The following CNGA3 variants were observed in gnomAD, a reference collection of about 807,000 sequenced individuals.
CNGA3 encodes cyclic nucleotide gated channel subunit alpha 3, also known as cyclic nucleotide-gated channel alpha-3.
CNGA3 carries 42 observed loss-of-function variants against 46.6 expected under a neutral mutation model. The ratio of observed to expected loss-of-function variants is 0.90; its 90% CI spans 0.70 to 1.17. The LOEUF (loss-of-function observed/expected upper bound fraction) is 1.17, where lower values mean the gene tolerates loss of function less well. Ranked by LOEUF, CNGA3 falls within the 50% of genes most tolerant of loss-of-function variation. The pLI, the probability that CNGA3 is intolerant of heterozygous loss-of-function variation, is 0.00. For synonymous variants in CNGA3, 394 were observed against 369.4 expected, an observed-to-expected ratio of 1.07 and a Z score of -0.76; for missense variants, 893 against 890.7, an observed-to-expected ratio of 1.00 and a Z score of -0.03.
chr2:98,389,803 G>A, intron 6 of CNGA3, 29 bp downstream of exon 6: 1 of 1,583,430 alleles, frequency 6.3e-7, no homozygotes, highest in South Asian at 1.1e-5. Context: ...AGGTGCAGCG[G>A]AAAGGGGGAA....
At chr2:98,389,167 A>G (rs1692726393) in intron 5 of CNGA3, among the ~76,000 whole-genome samples, 1 of 152,100 alleles carries the variant, frequency 6.6e-6, no homozygotes, top group Non-Finnish European at 1.5e-5. Flanking sequence ...AGGGTTCTGG[A>G]GGGAATACTG....
chr2:98,388,056 G>T (rs1692693115), intron 5 of CNGA3, among the ~76,000 whole-genome samples: 1 of 152,130 alleles, frequency 6.6e-6, no homozygotes, highest in Admixed American at 6.5e-5. Context: ...TCAATGGGGT[G>T]GTTTACCTCA....
intron 1 of CNGA3, among the ~76,000 whole-genome samples, chr2:98,357,028 C>G (rs1220891103): frequency 6.6e-6 from 1 of 152,206 alleles, no homozygotes; most frequent in Non-Finnish European, 1.5e-5. Flanking sequence ...CTGTTATTAT[C>G]AGTGTCGTCA....
intron 1 of CNGA3, among the ~76,000 whole-genome samples, chr2:98,368,786 G>A (rs568965838): frequency 2.5e-4 from 38 of 152,320 alleles, no homozygotes; most frequent in African/African-American, 4.6e-4. Context: ...CCAGTGAATC[G>A]GAAGTGCTGA....
intron 7 of CNGA3, among the ~76,000 whole-genome samples, chr2:98,395,323 C>T (rs1692885383): frequency 6.6e-6 from 1 of 152,034 alleles, no homozygotes; most frequent in South Asian, 2.1e-4. Context: ...GGGTGCACCA[C>T]CACATCTGGC....
chr2:98,363,281 A>G (rs1035984023), intron 1 of CNGA3, among the ~76,000 whole-genome samples: 1 of 152,208 alleles, frequency 6.6e-6, no homozygotes, highest in Non-Finnish European at 1.5e-5. Flanking sequence ...TTTTCCATCC[A>G]TGAGCATGGA....
intron 1 of CNGA3, among the ~76,000 whole-genome samples, chr2:98,368,247 A>G (rs1049406337): frequency 7.2e-5 from 11 of 152,228 alleles, no homozygotes; most frequent in African/African-American, 2.4e-4. Context: ...GGCCACACCA[A>G]TGGCTCCTGT....
chr2:98,383,401 G>C lies in CNGA3; in HGVS notation c.409G>C (p.Ala137Pro). ...ADRGRSAWPLAKCNTNTSNNT... is the reference protein window; with the variant it reads ...ADRGRSAWPLPKCNTNTSNNT... ...ACCTTCCCGCAGCGCCTGGCCCCTG[G>C]CCAAATGCAACACTAACACCAGCAA... is the stretch of plus-strand genomic sequence containing the variant. The change falls in exon 5 of 8, where the codon GCC becomes CCC. Residue 137 changes from alanine to proline, a missense_variant. Ala to Pro is a conservative substitution (Grantham distance 27). Transcript: ENST00000272602. The C allele has an allele frequency of 6.2e-7, 1 of 1,614,126 alleles. No homozygotes were observed. Among genetic ancestry groups the C allele is most frequent in the Non-Finnish European group, 8.5e-7 (1 of 1,180,028 alleles).
intron 7 of CNGA3, among the ~76,000 whole-genome samples, chr2:98,395,468 C>T (rs903192865): frequency 6.6e-6 from 1 of 152,184 alleles, no homozygotes; most frequent in African/African-American, 2.4e-5. Context: ...CGGCACCCGG[C>T]CCTCTGTCAC....
At position 98,397,284 on chromosome 2, in the gene CNGA3, G is replaced by A. The variant is rs754199013; in HGVS notation, c.*29G>A. The A allele has an allele frequency of 5.0e-6, 8 of 1,609,162 alleles. No homozygotes were observed. Among genetic ancestry groups the A allele is most frequent in the African/African-American group, 1.3e-5 (1 of 74,886 alleles). On this transcript the variant is annotated 3_prime_UTR_variant, in exon 8 of 8. Coordinates refer to ENST00000272602, the MANE Select transcript of CNGA3 (RefSeq NM_001298.3). ...TGCAGCATCTGTCTCCTGCTTCACAGGGTCGACTGTCAGGGTGACCGTATG... is the reference window on the plus strand; with the variant it reads ...TGCAGCATCTGTCTCCTGCTTCACAAGGTCGACTGTCAGGGTGACCGTATG...
chr2:98,352,162 G>T (rs1016577410), intron 1 of CNGA3, among the ~76,000 whole-genome samples: 1 of 152,026 alleles, frequency 6.6e-6, no homozygotes, highest in Non-Finnish European at 1.5e-5. Context: ...TATTTTCAGG[G>T]TTCACCCATG....
chr2:98,371,317 G>A (rs1692281610), intron 2 of CNGA3, among the ~76,000 whole-genome samples: 2 of 152,164 alleles, frequency 1.3e-5, no homozygotes, highest in African/African-American at 2.4e-5. Flanking sequence ...CTGGGCCCTC[G>A]TGCCTCATTT....
rs562588886 is a variant in CNGA3, at chr2:98,363,064, A to G, written c.-37-6875A>G. On this transcript the variant is annotated intron_variant, in intron 1 of 7. Transcript: ENST00000272602. ...GTTTTGGTTACTATAGTCTTATAGCATAGTTTGAAGTTGGGTACCATGATG... is the reference window on the plus strand; with the variant it reads ...GTTTTGGTTACTATAGTCTTATAGCGTAGTTTGAAGTTGGGTACCATGATG... Among the ~76,000 whole-genome samples, 5 of 152,250 alleles carry G rather than the reference A, an allele frequency of 3.3e-5. No homozygotes were observed. The East Asian group carries it at 9.6e-4, about 29-fold the overall frequency.
chr2:98,353,365 C>T (rs1691810394), intron 1 of CNGA3, among the ~76,000 whole-genome samples: 1 of 152,072 alleles, frequency 6.6e-6, no homozygotes, highest in South Asian at 2.1e-4. Flanking sequence ...TTATTTCCTC[C>T]ACCTAGGTTC....
In CNGA3 at chr2:98,397,674, A is replaced by G. The variant is rs1304089539; in HGVS notation, c.*419A>G. 1 of 273,868 alleles carries G rather than the reference A, an allele frequency of 3.7e-6. No individual in the cohort carries two copies. Among genetic ancestry groups the G allele is most frequent in the Non-Finnish European group, 7.0e-6 (1 of 142,290 alleles). The allele number at this position is 273,868 out of a possible 1,614,324, so 17.0% of individuals were successfully genotyped here. Reference sequence around the variant, plus strand: ...ACTTCACCACCACCTGATAATGGGTATATAACAGGAAGCTGAAGGTACAAC... The same window carrying G: ...ACTTCACCACCACCTGATAATGGGTGTATAACAGGAAGCTGAAGGTACAAC... On this transcript the variant is annotated 3_prime_UTR_variant, in exon 8 of 8. Transcript: ENST00000272602.
chr2:98,363,252 A>G (rs1252121626), intron 1 of CNGA3, among the ~76,000 whole-genome samples: 1 of 152,134 alleles, frequency 6.6e-6, no homozygotes, highest in Non-Finnish European at 1.5e-5. Flanking sequence ...AAGTATGGCC[A>G]TTTTCATGAT....
Position 98,397,635 on chromosome 2 carries a change from C to T in CNGA3, c.*380C>T. The T allele has an allele frequency of 3.1e-6, 1 of 317,674 alleles. No individual in the cohort carries two copies. Among genetic ancestry groups the T allele is most frequent in the African/African-American group, 2.1e-5 (1 of 46,520 alleles). 19.7% of individuals were successfully genotyped at this position (317,674 alleles called of 1,614,324 possible). On this transcript the variant is annotated 3_prime_UTR_variant, in exon 8 of 8. Transcript: ENST00000272602. ...TATAAATGAAAGATTATTTAGTCAC[C>T]TTTCTCCTGTCCAACTTCACCACCA... is the stretch of plus-strand genomic sequence containing the variant.
intron 3 of CNGA3, among the ~76,000 whole-genome samples, chr2:98,379,461 G>A (rs552541849): frequency 3.9e-5 from 6 of 152,324 alleles, no homozygotes; most frequent in Admixed American, 3.3e-4. Flanking sequence ...CAGGGTGGAG[G>A]GAAGGCCCCT....
intron 5 of CNGA3, among the ~76,000 whole-genome samples, chr2:98,388,209 T>C (rs1173049219): frequency 2.0e-5 from 3 of 152,212 alleles, no homozygotes; most frequent in African/African-American, 7.2e-5. Context: ...GCCTGCCCCT[T>C]CCATTTGGTA....
Sources: gnomAD v4.1 joint callset for allele counts (sites outside exome capture counted in the v4.1 genomes callset) on GRCh38, gnomAD v4.1.1 for gene constraint, MANE v1.5 for transcripts, NCBI Gene and HGNC (gene_info 2026-07-23, HGNC 2026-07-21) for gene names.